MYCBP2: variants seen among roughly 807,000 people sequenced by gnomAD.
The protein encoded by MYCBP2 is E3 ubiquitin-protein ligase MYCBP2.
In MYCBP2, 120 loss-of-function variants were observed where a neutral mutation model predicts 525.3. The observed-to-expected ratio is 0.23, with a 90% CI of 0.20 to 0.27. The LOEUF (loss-of-function observed/expected upper bound fraction) is 0.27, where lower values mean the gene tolerates loss of function less well. Among genes scored for constraint, MYCBP2 ranks in the 10% least tolerant of loss-of-function variants. MYCBP2 has a pLI of 1.00. For synonymous variants in MYCBP2, 1,894 were observed against 1,955.8 expected (o/e 0.97, Z 0.83); for missense variants, 4,149 against 5,657.1 (o/e 0.73, Z 8.55).
intron 75 of MYCBP2, 111 bp downstream of exon 75, chr13:77,061,551 G>C (rs147087914): frequency 7.8e-7 from 1 of 1,281,310 alleles, no homozygotes; most frequent in African/African-American, 1.5e-5. Context: ...ACTCAACCAA[G>C]GTCTTTGATT....
intron 59 of MYCBP2, among the ~76,000 whole-genome samples, chr13:77,092,166 T>C (rs1374988655): frequency 1.3e-5 from 2 of 152,080 alleles, no homozygotes; most frequent in African/African-American, 2.4e-5. Flanking sequence ...ATTATAGTTG[T>C]ATAGTAGTAA....
Position 77,134,549 on chromosome 13 carries a change from A to AC in MYCBP2, c.7659+4646_7659+4647insG, listed in dbSNP as rs1458919357. ...GTGCTGTAAAAACAAACAAACAAAC[A>AC]AAAAACAAAACAAAAAACAACAACA... On this transcript the variant is annotated intron_variant, in intron 52 of 82. Transcript: ENST00000544440. 2.0e-3 allele frequency among the ~76,000 whole-genome samples: 305 copies of AC among 152,048 alleles called. 1 individual carries two copies. Among genetic ancestry groups the AC allele is most frequent in the African/African-American group, 5.4e-3 (222 of 41,410 alleles).
chr13:77,286,877 T>TC (rs907948689), intron 3 of MYCBP2, among the ~76,000 whole-genome samples: 1 of 134,578 alleles, frequency 7.4e-6, no homozygotes, highest in African/African-American at 2.9e-5. Context: ...TGAGAGTAGT[T>TC]CTATAATACA....
At chr13:77,064,129 TCCAC>T (rs375160543) in intron 73 of MYCBP2, among the ~76,000 whole-genome samples, 302 of 152,290 alleles carry the variant, frequency 2.0e-3, no homozygotes, top group African/African-American at 6.6e-3. Flanking sequence ...CTCAAAGATT[TCCAC>T]CCTGACCCTG....
intron 1 of MYCBP2, among the ~76,000 whole-genome samples, chr13:77,302,252 C>A (rs1259090424): frequency 6.6e-6 from 1 of 151,806 alleles, no homozygotes; most frequent in Non-Finnish European, 1.5e-5. Context: ...TACCTAGGCA[C>A]AGCATGGTCA....
intron 55 of MYCBP2, chr13:77,118,425 A>T: frequency 1.3e-6 from 1 of 764,754 alleles, no homozygotes; most frequent in Non-Finnish European, 2.4e-6. Flanking sequence ...TTGCAGCTTG[A>T]TCAAAGATGG....
rs369662313 is a variant in MYCBP2 at position 77,097,634 on chromosome 13, T to A, written c.9520A>T (p.Thr3174Ser). Residue 3174 changes from threonine to serine, a missense_variant, in exon 56 of 83, where the codon ACT becomes TCT. Around this residue, in one of 21 missense-constraint regions of MYCBP2, gnomAD observed 653 missense variants for 744.7 expected, o/e 0.88. Transcript: ENST00000544440. ...VAFWEDISLA[T>S]IKAASQNMIF... is the part of the protein sequence containing the mutation. Reference sequence around the variant, plus strand: ...ATATTCTGGGAAGCAGCTTTGATAGTAGCCAAAGAGATGTCTTCCCAAAAA... The same window carrying A: ...ATATTCTGGGAAGCAGCTTTGATAGAAGCCAAAGAGATGTCTTCCCAAAAA... 6.2e-7 allele frequency: 1 copy of A among 1,613,608 alleles called. No homozygotes were observed. Among genetic ancestry groups the A allele is most frequent in the Non-Finnish European group, 8.5e-7 (1 of 1,179,830 alleles).
chr13:77,200,915 C>T (rs1346776809), intron 26 of MYCBP2, among the ~76,000 whole-genome samples: 1 of 152,010 alleles, frequency 6.6e-6, no homozygotes, highest in Non-Finnish European at 1.5e-5. Context: ...AAAGGAACAA[C>T]CGGTACCAGC....
intron 23 of MYCBP2, among the ~76,000 whole-genome samples, chr13:77,210,408 G>A (rs1232000908): frequency 6.6e-6 from 1 of 152,050 alleles, no homozygotes; most frequent in East Asian, 1.9e-4. Context: ...TAGCCAGGAT[G>A]GTCTCGATCT....
Position 77,131,509 on chromosome 13 carries a change from C to A in MYCBP2, c.7660-4967G>T, listed in dbSNP as rs867503957. Among the ~76,000 whole-genome samples, 342 of 56,782 alleles carry A rather than the reference C, an allele frequency of 6.0e-3. 1 individual carries two copies. The highest frequency in any genetic ancestry group is 0.013 in the Non-Finnish European group (257 of 19,828). 37.3% of individuals were successfully genotyped at this position (56,782 alleles called of 152,430 possible). On this transcript the variant is annotated intron_variant, in intron 52 of 82. Coordinates refer to ENST00000544440, the MANE Select transcript of MYCBP2 (RefSeq NM_015057.5). The stretch of plus-strand genomic sequence containing the variant: ...TCAAACACACACACACACACACACA[C>A]ACAAACAAACACACACACACACACA...
At position 77,186,077 on chromosome 13, in the gene MYCBP2, T is replaced by C. The variant is rs2060684539; in HGVS notation, c.4252-14A>G. ...CTCAAAACATTCCTAATCCAGAATA[T>C]GAAAAAACAGACAACAATTAATTCA... On this transcript the variant is annotated splice_polypyrimidine_tract_variant and intron_variant, in intron 30 of 82. Coordinates refer to ENST00000544440, the MANE Select transcript of MYCBP2 (RefSeq NM_015057.5). The C allele has an allele frequency of 6.5e-7, 1 of 1,528,240 alleles. No individual in the cohort carries two copies. Among genetic ancestry groups the C allele is most frequent in the East Asian group, 2.3e-5 (1 of 43,058 alleles). 94.7% of individuals were successfully genotyped at this position (1,528,240 alleles called of 1,614,324 possible). A position where few individuals can be genotyped will look rare whatever the true frequency, so the allele number is the denominator to read the frequency against.
At chr13:77,190,444 TA>T in intron 28 of MYCBP2, 109 bp from the exon 29 acceptor site, 1 of 675,200 alleles carries the variant, frequency 1.5e-6, no homozygotes. Flanking sequence ...TTCACTCTTT[TA>T]CATAAAGAAA....
At chr13:77,265,335 T>C (rs2073923434) in intron 8 of MYCBP2, among the ~76,000 whole-genome samples, 1 of 151,972 alleles carries the variant, frequency 6.6e-6, no homozygotes, top group South Asian at 2.1e-4. Flanking sequence ...GAAAAACTCA[T>C]TATAATTTCA....
At chr13:77,310,997 CAAAT>C (rs2080130698) in intron 1 of MYCBP2, among the ~76,000 whole-genome samples, 1 of 152,076 alleles carries the variant, frequency 6.6e-6, no homozygotes, top group African/African-American at 2.4e-5. Context: ...CTCTGAAAAA[CAAAT>C]AAAAGCAAAT....
Position 77,083,182 on chromosome 13 carries a change from G to C in MYCBP2, c.10886C>G (p.Thr3629Arg). 1.2e-6 allele frequency: 2 copies of C among 1,611,812 alleles called. No homozygotes were observed. Among genetic ancestry groups the C allele is most frequent in the Non-Finnish European group, 1.7e-6 (2 of 1,178,998 alleles). ...SKENSEQEKD[T>R]RVCEHPLSDI... ...TGAGAGTGGATGTTCACATACTCTT[G>C]TATCTTTCTCCTAAGGCAGAAATTG... Residue 3629 changes from threonine (T) to arginine (R), a missense_variant, in exon 63 of 83, where the codon ACA becomes AGA. Coordinates refer to ENST00000544440, the MANE Select transcript of MYCBP2 (RefSeq NM_015057.5).
chr13:77,191,346 C>T (rs532732988), intron 28 of MYCBP2, among the ~76,000 whole-genome samples: 6 of 152,128 alleles, frequency 3.9e-5, no homozygotes, highest in African/African-American at 7.2e-5. Context: ...TATCACATAT[C>T]TACTTCTTTT....
intron 75 of MYCBP2, 122 bp from the exon 76 acceptor site, chr13:77,061,423 A>G: frequency 2.1e-6 from 2 of 951,816 alleles, no homozygotes; most frequent in South Asian, 2.0e-5. Context: ...GAAGTTTTGA[A>G]TATTTCCAAT....
At chr13:77,123,681 G>T (rs1284988974) in intron 54 of MYCBP2, among the ~76,000 whole-genome samples, 1 of 152,134 alleles carries the variant, frequency 6.6e-6, no homozygotes, top group East Asian at 1.9e-4. Flanking sequence ...TCAGTACCCT[G>T]GCAGTCCTGC....
chr13:77,210,847 T>C (rs1245953612), intron 23 of MYCBP2, among the ~76,000 whole-genome samples: 2 of 152,196 alleles, frequency 1.3e-5, no homozygotes, highest in African/African-American at 2.4e-5. Flanking sequence ...TGGCACCTAG[T>C]ATGCACCTCT....
Sources: gnomAD v4.1 joint callset for allele counts (sites outside exome capture counted in the v4.1 genomes callset) on GRCh38, gnomAD v4.1.1 for gene constraint, gnomAD v4.1.1 regional missense constraint, MANE v1.5 for transcripts, NCBI Gene and HGNC (gene_info 2026-07-23, HGNC 2026-07-21) for gene names.